Variants in CA5B observed in about 807,000 individuals in gnomAD.
The protein encoded by CA5B is carbonic anhydrase 5B.
In CA5B, 15 loss-of-function variants were observed where a neutral mutation model predicts 23.1. The ratio of observed to expected loss-of-function variants is 0.65; its 90% CI spans 0.43 to 1.00. The LOEUF is 1.00. Ranked by LOEUF, CA5B falls within the 50% of genes least tolerant of loss-of-function variation. The probability of loss-of-function intolerance (pLI) is 0.00; values close to 1 mark genes in which losing one functional copy is unlikely to be tolerated. For missense variants in CA5B, 236 were observed against 252.2 expected (o/e 0.94, Z 0.43); for synonymous variants, 84 against 98.5 (o/e 0.85, Z 0.87).
intron 2 of CA5B, among the ~76,000 whole-genome samples, chrX:15,753,297 G>T (rs186419370): frequency 8.9e-6 from 1 of 112,907 alleles, no homozygotes; most frequent in Admixed American, 9.3e-5. Context: ...TAAGTAAGTG[G>T]ATTCAAAGAT....
At chrX:15,758,837 C>T (rs902970047) in intron 2 of CA5B, among the ~76,000 whole-genome samples, 1 of 111,892 alleles carries the variant, frequency 8.9e-6, no homozygotes, top group African/African-American at 3.3e-5. Context: ...TACATTCACA[C>T]CATAGCACAA....
At chrX:15,743,755 CCTG>C (rs763215756) in intron 1 of CA5B, among the ~76,000 whole-genome samples, 4 of 111,593 alleles carry the variant, frequency 3.6e-5, no homozygotes, top group African/African-American at 1.3e-4. Flanking sequence ...AGCCCCACCT[CCTG>C]CTGCATCCCC....
At chrX:15,747,690 A>T (rs1931262556) in intron 1 of CA5B, among the ~76,000 whole-genome samples, 1 of 111,683 alleles carries the variant, frequency 9.0e-6, no homozygotes, top group Non-Finnish European at 1.9e-5. Context: ...GCAGAGTGAG[A>T]TTCTAAATTG....
rs750549430 is a variant in CA5B at position 15,772,596 on chromosome X, C to T, written c.441C>T (p.Ser147=). The T allele has an allele frequency of 1.7e-6, 2 of 1,176,261 alleles. No homozygotes were observed. The highest frequency in any genetic ancestry group is 2.3e-6 in the Non-Finnish European group (2 of 866,733). ...GGGGTTCTGAGCACACCGTGGACAG[C>T]AAATGCTTCCCAGCAGAGGTATGTT... ...DAWGSEHTVD[S]KCFPAELHLV... is the part of the protein sequence containing the mutation. The change falls in exon 4 of 8, where the codon AGC becomes AGT. Residue 147 remains serine, a synonymous_variant. Transcript: ENST00000318636.
chrX:15,766,704 A>G (rs1931716881), intron 3 of CA5B, among the ~76,000 whole-genome samples: 1 of 112,075 alleles, frequency 8.9e-6, no homozygotes, highest in African/African-American at 3.2e-5. Flanking sequence ...GTTTAAGGCC[A>G]TCTGGGTCTG....
Position 15,786,303 on chromosome X carries a change from A to G in CA5B, c.*3639A>G, listed in dbSNP as rs1932116757. 2 of 110,114 alleles carry G rather than the reference A, an allele frequency of 1.8e-5. No homozygotes were observed. Among genetic ancestry groups the G allele is most frequent in the African/African-American group, 6.6e-5 (2 of 30,215 alleles). 9.1% of individuals were successfully genotyped at this position (110,114 alleles called of 1,213,427 possible). On this transcript the variant is annotated 3_prime_UTR_variant, in exon 8 of 8. Transcript: ENST00000318636. ...GTGTTCTGGCATGATTATTAACCAC[A>G]CTCTTTTTCACTTTGAACCATGTCC...
intron 7 of CA5B, among the ~76,000 whole-genome samples, chrX:15,777,923 G>A (rs1931960583): frequency 9.0e-6 from 1 of 111,675 alleles, no homozygotes; most frequent in Admixed American, 9.5e-5. Flanking sequence ...TCTGGAAGTA[G>A]CCAGTACAGT....
At chrX:15,766,354 C>T (rs1931710033) in intron 3 of CA5B, among the ~76,000 whole-genome samples, 1 of 110,054 alleles carries the variant, frequency 9.1e-6, no homozygotes, top group Non-Finnish European at 1.9e-5. Flanking sequence ...TGATATGTGT[C>T]TCTGCCATGA....
intron 7 of CA5B, among the ~76,000 whole-genome samples, chrX:15,779,279 C>G (rs1376928484): frequency 2.7e-5 from 3 of 111,627 alleles, no homozygotes; most frequent in African/African-American, 9.8e-5. Flanking sequence ...TTCAGCCTTC[C>G]TCTGCCTTTT....
At position 15,750,067 on chromosome X, in the gene CA5B, C is replaced by T; in HGVS notation, c.44C>T (p.Pro15Leu). The T allele has an allele frequency of 8.3e-7, 1 of 1,210,412 alleles. No individual in the cohort carries two copies. The highest frequency in any genetic ancestry group is 1.1e-6 in the Non-Finnish European group (1 of 894,216). The change falls in exon 2 of 8, where the codon CCA (proline) becomes CTA (leucine). Residue 15 changes from proline to leucine, a missense_variant. Coordinates refer to ENST00000318636, the MANE Select transcript of CA5B (RefSeq NM_007220.4). ...NSLRVILQAS[P>L]GKLLWRKFQI... Reference sequence around the variant, plus strand: ...CTGAGGGTCATTCTTCAAGCCTCTCCAGGCAAATTGCTGTGGAGAAAGTTC... The same window carrying T: ...CTGAGGGTCATTCTTCAAGCCTCTCTAGGCAAATTGCTGTGGAGAAAGTTC...
intron 7 of CA5B, among the ~76,000 whole-genome samples, chrX:15,782,241 G>A (rs73635831): frequency 3.2e-4 from 36 of 112,132 alleles, no homozygotes; most frequent in African/African-American, 1.2e-3. Context: ...TGGATCCCAA[G>A]TGCCCTCCTG....
At chrX:15,749,312 C>A (rs1286475822) in intron 1 of CA5B, among the ~76,000 whole-genome samples, 1 of 111,733 alleles carries the variant, frequency 8.9e-6, no homozygotes, top group African/African-American at 3.3e-5. Context: ...TCTTCTGAGA[C>A]TTTGACTGTG....
chrX:15,770,671 A>G (rs1931799015), intron 3 of CA5B, among the ~76,000 whole-genome samples: 1 of 111,396 alleles, frequency 9.0e-6, no homozygotes, highest in Admixed American at 9.6e-5. Context: ...TGCTGAGGTT[A>G]CCAGTGACAT....
intron 1 of CA5B, among the ~76,000 whole-genome samples, chrX:15,747,710 A>G (rs1411474606): frequency 9.0e-6 from 1 of 111,712 alleles, no homozygotes; most frequent in Non-Finnish European, 1.9e-5. Flanking sequence ...GAAGTTGCCA[A>G]TGGCCTATTG....
chrX:15,767,435 T>A (rs1269848070), intron 3 of CA5B, among the ~76,000 whole-genome samples: 17 of 108,528 alleles, frequency 1.6e-4, no homozygotes, highest in African/African-American at 4.4e-4. Context: ...AGAGTCTCGC[T>A]CTGTTGTCCA....
intron 7 of CA5B, 46 bp downstream of exon 7, chrX:15,776,915 C>T (rs1398579767): frequency 4.6e-6 from 5 of 1,086,856 alleles, no homozygotes; most frequent in Non-Finnish European, 6.3e-6. Flanking sequence ...CTTGTCTGCC[C>T]ATGTAAAACA....
chrX:15,758,101 A>C (rs949882957), intron 2 of CA5B, among the ~76,000 whole-genome samples: 11 of 111,872 alleles, frequency 9.8e-5, no homozygotes, highest in Admixed American at 5.7e-4. Flanking sequence ...GATAAACCTG[A>C]ATGATTCTTA....
At chrX:15,748,763 G>A (rs1281832193) in intron 1 of CA5B, among the ~76,000 whole-genome samples, 1 of 94,954 alleles carries the variant, frequency 1.1e-5, no homozygotes, top group Non-Finnish European at 2.0e-5. Context: ...AGTTAGCCAG[G>A]GATGGTCGGG....
chrX:15,750,049 T>C lies in CA5B; in HGVS notation c.26T>C (p.Val9Ala), dbSNP rs1417812982. The change falls in exon 2 of 8, where the codon GTC becomes GCC. Residue 9 changes from valine to alanine, a missense_variant. Val to Ala is a moderately conservative substitution (Grantham distance 64, BLOSUM62 0). Coordinates refer to ENST00000318636, the MANE Select transcript of CA5B (RefSeq NM_007220.4). Reference sequence around the variant, plus strand: ...ATGGTGGTGATGAACAGCCTGAGGGTCATTCTTCAAGCCTCTCCAGGCAAA... The same window carrying C: ...ATGGTGGTGATGAACAGCCTGAGGGCCATTCTTCAAGCCTCTCCAGGCAAA... MVVMNSLR[V>A]ILQASPGKLL... 16 of 1,207,557 alleles carry C rather than the reference T, an allele frequency of 1.3e-5. No homozygotes were observed. Among genetic ancestry groups the C allele is most frequent in the Non-Finnish European group, 1.8e-5 (16 of 893,020 alleles).
Sources: allele counts gnomAD v4.1 joint callset (sites outside exome capture counted in the v4.1 genomes callset), GRCh38; gene constraint gnomAD v4.1.1; transcripts MANE v1.5; gene names NCBI Gene and HGNC (gene_info 2026-07-23, HGNC 2026-07-21).